CCSER1: variants seen among roughly 807,000 people sequenced by gnomAD.
CCSER1 encodes coiled-coil serine rich protein 1.
In CCSER1, 41 loss-of-function variants were observed where a neutral mutation model predicts 82.0. That is an observed-to-expected ratio of 0.50 (90% CI 0.39 to 0.65). The LOEUF is 0.65. Ranked by LOEUF, CCSER1 falls within the 30% of genes least tolerant of loss-of-function variation. CCSER1 has a pLI of 0.00. For missense variants in CCSER1, 1,119 were observed against 1,064.2 expected (o/e 1.05, Z -0.72); for synonymous variants, 414 against 383.9 (o/e 1.08, Z -0.92).
chr4:90,346,052 G>A (rs965572482), intron 3 of CCSER1, among the ~76,000 whole-genome samples: 1 of 151,214 alleles, frequency 6.6e-6, no homozygotes, highest in South Asian at 2.1e-4. Context: ...CTTTTTTTCT[G>A]CCATATGACC....
rs141231198 is a variant in CCSER1, at chr4:90,590,987, G to A, written c.1725-37038G>A. On this transcript the variant is annotated intron_variant, in intron 5 of 10. Coordinates refer to ENST00000509176, the MANE Select transcript of CCSER1 (RefSeq NM_001145065.2). ...CTCTTATTTCTTTGAACAATAGTTTGTAGTTCTCCTTGAAGAGGTCCTTCA... is the reference window on the plus strand; with the variant it reads ...CTCTTATTTCTTTGAACAATAGTTTATAGTTCTCCTTGAAGAGGTCCTTCA... Among the ~76,000 whole-genome samples the A allele has an allele frequency of 4.9e-3, 739 of 152,232 alleles. 2 individuals carry two copies. Among genetic ancestry groups the A allele is most frequent in the Middle Eastern group, 0.01 (3 of 294 alleles).
chr4:91,356,921 C>G (rs566069160), intron 10 of CCSER1, among the ~76,000 whole-genome samples: 3 of 152,166 alleles, frequency 2.0e-5, no homozygotes, highest in African/African-American at 7.2e-5. Context: ...ATACAGCCCA[C>G]GCCTGGTCGA....
chr4:91,459,206 T>C (rs1756366020), intron 10 of CCSER1, among the ~76,000 whole-genome samples: 1 of 152,086 alleles, frequency 6.6e-6, no homozygotes, highest in Non-Finnish European at 1.5e-5. Flanking sequence ...TAGAATTGTA[T>C]TTATTTTTAT....
intron 7 of CCSER1, among the ~76,000 whole-genome samples, chr4:90,791,002 T>C (rs1417301211): frequency 6.6e-6 from 1 of 152,188 alleles, no homozygotes; most frequent in Non-Finnish European, 1.5e-5. Flanking sequence ...GAGTGATTTA[T>C]AAAGAAAAGA....
At chr4:91,366,774 C>A (rs1749645266) in intron 10 of CCSER1, among the ~76,000 whole-genome samples, 1 of 152,150 alleles carries the variant, frequency 6.6e-6, no homozygotes, top group Non-Finnish European at 1.5e-5. Flanking sequence ...TAACACTATA[C>A]CATTTGCTTT....
intron 10 of CCSER1, among the ~76,000 whole-genome samples, chr4:91,225,722 C>G (rs1019485039): frequency 6.6e-6 from 1 of 151,790 alleles, no homozygotes. Flanking sequence ...TGTATTCATG[C>G]ACAACCTTTA....
At chr4:90,433,983 T>C (rs1207952740) in intron 4 of CCSER1, among the ~76,000 whole-genome samples, 1 of 151,988 alleles carries the variant, frequency 6.6e-6, no homozygotes, top group Non-Finnish European at 1.5e-5. Flanking sequence ...ATTGTTATCA[T>C]CTTTAAGTTT....
chr4:90,168,788 G>A (rs185502469), intron 1 of CCSER1, among the ~76,000 whole-genome samples: 3,535 of 95,362 alleles, frequency 0.037, 159 homozygotes, highest in East Asian at 0.11. Flanking sequence ...ATGGTTGTAG[G>A]TATGTGGCAT....
intron 5 of CCSER1, among the ~76,000 whole-genome samples, chr4:90,506,777 A>AT (rs1770760167): frequency 6.8e-6 from 1 of 147,342 alleles, no homozygotes; most frequent in African/African-American, 2.6e-5. Flanking sequence ...AAAAAAAAAA[A>AT]AATAAATAAA....
chr4:91,558,153 T>C (rs998013574), intron 10 of CCSER1, among the ~76,000 whole-genome samples: 3 of 151,340 alleles, frequency 2.0e-5, no homozygotes, highest in Non-Finnish European at 3.0e-5. Flanking sequence ...AAAAGCTATA[T>C]TTAGTTTTTT....
chr4:90,559,163 G>T (rs376045393), intron 5 of CCSER1, among the ~76,000 whole-genome samples: 1 of 152,156 alleles, frequency 6.6e-6, no homozygotes, highest in Admixed American at 6.5e-5. Flanking sequence ...CTAGGCAGTT[G>T]AACATTTTGA....
intron 9 of CCSER1, among the ~76,000 whole-genome samples, chr4:91,011,182 A>G (rs72667512): frequency 0.37 from 49,142 of 133,174 alleles, 15,646 homozygotes; most frequent in Non-Finnish European, 0.46. Context: ...TTCAGGTGCA[A>G]TTCACATCAG....
intron 9 of CCSER1, among the ~76,000 whole-genome samples, chr4:90,937,259 G>C (rs1159694355): frequency 2.0e-5 from 3 of 152,038 alleles, no homozygotes; most frequent in African/African-American, 7.2e-5. Context: ...CTCGAGTGAT[G>C]GGTCACTGTT....
At chr4:91,324,470 T>C (rs1276138443) in intron 10 of CCSER1, among the ~76,000 whole-genome samples, 1 of 152,202 alleles carries the variant, frequency 6.6e-6, no homozygotes, top group Admixed American at 6.5e-5. Context: ...TTGGATCTTT[T>C]AAATTTAAAT....
intron 1 of CCSER1, among the ~76,000 whole-genome samples, chr4:90,158,288 G>C (rs141143278): frequency 0.024 from 3,663 of 151,732 alleles, 142 homozygotes; most frequent in African/African-American, 0.083. Context: ...TACCCCTACT[G>C]GGGGGTGCCT....
At chr4:90,901,065 G>A (rs1259700998) in intron 8 of CCSER1, among the ~76,000 whole-genome samples, 2 of 151,746 alleles carry the variant, frequency 1.3e-5, no homozygotes, top group African/African-American at 4.8e-5. Flanking sequence ...TAAAAAAACT[G>A]TTGTTTATTT....
intron 7 of CCSER1, among the ~76,000 whole-genome samples, chr4:90,778,671 G>A (rs1426393854): frequency 6.6e-6 from 1 of 151,508 alleles, no homozygotes; most frequent in Non-Finnish European, 1.5e-5. Flanking sequence ...TTTTTGCAGT[G>A]AAGCAAATGA....
chr4:90,929,036 C>T lies in CCSER1; in HGVS notation c.2172+5589C>T, dbSNP rs76121344. 5.6e-3 allele frequency among the ~76,000 whole-genome samples: 846 copies of T among 152,150 alleles called. 1 individual carries two copies. The highest frequency in any genetic ancestry group is 9.4e-3 in the Non-Finnish European group (641 of 67,964). On this transcript the variant is annotated intron_variant, in intron 9 of 10. Transcript: ENST00000509176. ...CACACAGTATTAATTACATTTGCTT[C>T]TCCTCTTTCTGTTTGTTGCTTGCAT...
intron 1 of CCSER1, among the ~76,000 whole-genome samples, chr4:90,265,073 T>C (rs1725000572): frequency 6.6e-6 from 1 of 151,992 alleles, no homozygotes; most frequent in Admixed American, 6.6e-5. Flanking sequence ...TTATGTATTA[T>C]ATATAATCTT....
Sources: allele counts gnomAD v4.1 joint callset (sites outside exome capture counted in the v4.1 genomes callset), GRCh38; gene constraint gnomAD v4.1.1; transcripts MANE v1.5; gene names NCBI Gene and HGNC (gene_info 2026-07-23, HGNC 2026-07-21).